Variants in MGMT observed in about 807,000 individuals in gnomAD.
The protein encoded by MGMT is methylated-DNA--protein-cysteine methyltransferase.
A neutral mutation model predicts 15.9 loss-of-function variants in MGMT; 14 were observed. The observed-to-expected ratio is 0.88, with a 90% CI of 0.58 to 1.37. MGMT has a LOEUF of 1.37. MGMT is among the 40% of genes most tolerant of loss of function. The probability of loss-of-function intolerance (pLI) is 0.00; values close to 1 mark genes in which losing one functional copy is unlikely to be tolerated. For missense variants in MGMT, 282 were observed against 268.1 expected, an observed-to-expected ratio of 1.05 and a Z score of -0.36; for synonymous variants, 130 against 118.2, an observed-to-expected ratio of 1.10 and a Z score of -0.65.
intron 2 of MGMT, among the ~76,000 whole-genome samples, chr10:129,580,731 T>TG (rs1431886708): frequency 6.6e-6 from 1 of 152,202 alleles, no homozygotes; most frequent in Non-Finnish European, 1.5e-5. Context: ...ACCCCATGAT[T>TG]GGGGATACCC....
chr10:129,698,832 T>A (rs1848062494), intron 2 of MGMT, among the ~76,000 whole-genome samples: 1 of 152,222 alleles, frequency 6.6e-6, no homozygotes, highest in Admixed American at 6.5e-5. Context: ...TAAGTTAGCA[T>A]ATTGTATGCA....
At chr10:129,738,480 G>A (rs1203318334) in intron 3 of MGMT, among the ~76,000 whole-genome samples, 2 of 152,192 alleles carry the variant, frequency 1.3e-5, no homozygotes, top group Admixed American at 1.3e-4. Context: ...GATGAATCCG[G>A]TACCTCAGAT....
At chr10:129,743,008 C>A (rs1051303331) in intron 3 of MGMT, among the ~76,000 whole-genome samples, 150 of 151,324 alleles carry the variant, frequency 9.9e-4, no homozygotes, top group Middle Eastern at 3.4e-3. Flanking sequence ...GATAAAAAAA[C>A]GGAGCCATGC....
At chr10:129,553,851 T>C (rs1078847) in intron 2 of MGMT, among the ~76,000 whole-genome samples, 62,935 of 152,028 alleles carry the variant, frequency 0.41, 13,604 homozygotes, top group East Asian at 0.63. Flanking sequence ...AAAGGCTGAG[T>C]GCAGGTGCCA....
chr10:129,564,989 T>C (rs373272106), intron 2 of MGMT, among the ~76,000 whole-genome samples: 34 of 152,256 alleles, frequency 2.2e-4, no homozygotes, highest in African/African-American at 7.7e-4. Flanking sequence ...TGCCTTGTCT[T>C]TCCCCCAGCA....
chr10:129,687,794 C>A (rs900933392), intron 2 of MGMT, among the ~76,000 whole-genome samples: 1 of 151,812 alleles, frequency 6.6e-6, no homozygotes, highest in Non-Finnish European at 1.5e-5. Context: ...GTGTGCTGCA[C>A]CCATTAACTC....
intron 2 of MGMT, among the ~76,000 whole-genome samples, chr10:129,540,388 A>G (rs1846030708): frequency 6.6e-6 from 1 of 152,188 alleles, no homozygotes; most frequent in South Asian, 2.1e-4. Flanking sequence ...TGAGCTGTCC[A>G]GAACCCTCCA....
chr10:129,538,334 G>A (rs1211126265), intron 2 of MGMT, among the ~76,000 whole-genome samples: 1 of 152,186 alleles, frequency 6.6e-6, no homozygotes, highest in Non-Finnish European at 1.5e-5. Flanking sequence ...TTTCTCCAGA[G>A]TAAATTCCTG....
chr10:129,760,740 T>G (rs1272842578), intron 4 of MGMT, among the ~76,000 whole-genome samples: 20 of 152,142 alleles, frequency 1.3e-4, no homozygotes, highest in Non-Finnish European at 2.4e-4. Flanking sequence ...TACACCCTAA[T>G]CTAGGCGAGC....
At chr10:129,468,746 G>A (rs1042962143) in intron 1 of MGMT, among the ~76,000 whole-genome samples, 16 of 152,198 alleles carry the variant, frequency 1.1e-4, no homozygotes, top group Non-Finnish European at 1.9e-4. Flanking sequence ...TTATCCAGGC[G>A]TGGTGGTGCA....
intron 1 of MGMT, among the ~76,000 whole-genome samples, chr10:129,473,799 T>G (rs1301054923): frequency 1.3e-5 from 2 of 152,148 alleles, no homozygotes; most frequent in Non-Finnish European, 2.9e-5. Context: ...CTGGGTGCAG[T>G]GAGGACTTGG....
At chr10:129,623,312 C>T (rs1847110984) in intron 2 of MGMT, among the ~76,000 whole-genome samples, 1 of 152,086 alleles carries the variant, frequency 6.6e-6, no homozygotes. Flanking sequence ...AGCAGCAGTT[C>T]AGCGGGGATA....
rs557749562 is a variant in MGMT at position 129,601,132 on chromosome 10, G to A, written c.125+64755G>A. ...AAAACTTAGATGTGAAAAATTCAAC[G>A]CATTGGGAAGAGGCGTCAACATTTG... is the stretch of plus-strand genomic sequence containing the variant. On this transcript the variant is annotated intron_variant, in intron 2 of 4. Coordinates refer to ENST00000651593, the MANE Select transcript of MGMT (RefSeq NM_002412.5). 5.3e-5 allele frequency among the ~76,000 whole-genome samples: 8 copies of A among 151,058 alleles called. No homozygotes were observed. The East Asian group carries it at 9.7e-4, about 18-fold the overall frequency.
At chr10:129,742,867 T>G (rs1848651523) in intron 3 of MGMT, among the ~76,000 whole-genome samples, 1 of 151,288 alleles carries the variant, frequency 6.6e-6, no homozygotes. Flanking sequence ...CAGTGGCCCA[T>G]GCTCAGAGCC....
chr10:129,660,411 T>TA (rs1847582599), intron 2 of MGMT, among the ~76,000 whole-genome samples: 1 of 152,060 alleles, frequency 6.6e-6, no homozygotes, highest in Non-Finnish European at 1.5e-5. Context: ...GAAGAAAACA[T>TA]AGTTTCTGCC....
At chr10:129,509,278 A>G (rs901950233) in intron 1 of MGMT, among the ~76,000 whole-genome samples, 9 of 152,174 alleles carry the variant, frequency 5.9e-5, no homozygotes, top group African/African-American at 1.7e-4. Context: ...TTGCGTTCGC[A>G]TAGAGCGTTG....
At chr10:129,506,612 A>T (rs1456610566) in intron 1 of MGMT, among the ~76,000 whole-genome samples, 1 of 151,978 alleles carries the variant, frequency 6.6e-6, no homozygotes, top group Non-Finnish European at 1.5e-5. Context: ...CCAAGTCCTG[A>T]GCCCTCGGAC....
chr10:129,580,688 C>T (rs1369332693), intron 2 of MGMT, among the ~76,000 whole-genome samples: 1 of 152,206 alleles, frequency 6.6e-6, no homozygotes, highest in Admixed American at 6.5e-5. Flanking sequence ...TACCTAGGGA[C>T]ACCCCATGAT....
intron 3 of MGMT, among the ~76,000 whole-genome samples, chr10:129,752,705 A>T (rs1320287337): frequency 6.6e-6 from 1 of 152,130 alleles, no homozygotes; most frequent in Non-Finnish European, 1.5e-5. Context: ...TAAGTGGAAT[A>T]TAGAAATCTT....
Sources: allele counts gnomAD v4.1 joint callset (sites outside exome capture counted in the v4.1 genomes callset), GRCh38; gene constraint gnomAD v4.1.1; transcripts MANE v1.5; gene names NCBI Gene and HGNC (gene_info 2026-07-23, HGNC 2026-07-21).